The following ATG7 variants were observed in gnomAD, a reference collection of about 807,000 sequenced individuals.
ATG7 encodes the protein ubiquitin-like modifier-activating enzyme ATG7.
Under a neutral mutation model 82.4 loss-of-function variants are expected in ATG7, and 70 were observed. The observed-to-expected ratio is 0.85, with a 90% CI of 0.70 to 1.04. The LOEUF is 1.04. Ranked by LOEUF, ATG7 falls within the 50% of genes least tolerant of loss-of-function variation. ATG7 has a pLI of 0.00. For missense variants in ATG7, 792 were observed against 864.3 expected, an observed-to-expected ratio of 0.92 and a Z score of 1.05; for synonymous variants, 287 against 313.0, an observed-to-expected ratio of 0.92 and a Z score of 0.88.
intron 20 of ATG7, among the ~76,000 whole-genome samples, chr3:11,501,540 G>A (rs1208093400): frequency 1.3e-4 from 2 of 15,372 alleles, no homozygotes; most frequent in African/African-American, 5.1e-4. Context: ...AATAGATAAT[G>A]ATATTAATAG....
chr3:11,542,216 C>T (rs149653138), intron 20 of ATG7, among the ~76,000 whole-genome samples: 161 of 152,388 alleles, frequency 1.1e-3, no homozygotes, highest in African/African-American at 3.6e-3. Context: ...CTAACCAGTG[C>T]TTGGACAAGC....
chr3:11,477,401 T>C (rs1234273572), intron 20 of ATG7: 3 of 765,154 alleles, frequency 3.9e-6, no homozygotes, highest in Non-Finnish European at 4.9e-6. Context: ...GATAGAAGTG[T>C]ATTTATATAA....
chr3:11,486,354 A>T, intron 20 of ATG7, among the ~76,000 whole-genome samples: 1 of 152,232 alleles, frequency 6.6e-6, no homozygotes, highest in East Asian at 1.9e-4. Context: ...TTATTGCTGT[A>T]TAAGAATGCT....
chr3:11,527,041 ATGTG>A lies in ATG7; in HGVS notation c.2080-27742_2080-27739del, dbSNP rs370131709. Among the ~76,000 whole-genome samples the A allele has an allele frequency of 6.1e-3, 848 of 138,302 alleles. 5 individuals carry two copies. Among genetic ancestry groups the A allele is most frequent in the African/African-American group, 0.016 (596 of 37,454 alleles). 90.7% of individuals were successfully genotyped at this position (138,302 alleles called of 152,430 possible). ...AGTATATATATGTGTGTGTGTATAT[ATGTG>A]TGTGTGTGTGTGTGTGTGTGTGTGT... On this transcript the variant is annotated intron_variant, in intron 20 of 20. Coordinates refer to ENST00000693202, the MANE Select transcript of ATG7 (RefSeq NM_001349232.2).
At chr3:11,355,125 C>T (rs1559458174) in intron 14 of ATG7, among the ~76,000 whole-genome samples, 1 of 152,216 alleles carries the variant, frequency 6.6e-6, no homozygotes, top group Non-Finnish European at 1.5e-5. Context: ...TGTGTACTCA[C>T]AGCACGACTC....
chr3:11,521,460 G>A (rs866157150), intron 20 of ATG7, among the ~76,000 whole-genome samples: 1 of 152,156 alleles, frequency 6.6e-6, no homozygotes, highest in African/African-American at 2.4e-5. Context: ...AGCAGGGCAC[G>A]GGGAAGGAGC....
intron 12 of ATG7, among the ~76,000 whole-genome samples, chr3:11,341,620 G>T (rs1333581418): frequency 6.6e-6 from 1 of 151,572 alleles, no homozygotes; most frequent in Admixed American, 6.6e-5. Flanking sequence ...GCTAATTTTT[G>T]TAATTTTAGT....
intron 20 of ATG7, among the ~76,000 whole-genome samples, chr3:11,437,489 TG>T (rs151181368): frequency 0.011 from 1,609 of 152,284 alleles, 18 homozygotes; most frequent in Non-Finnish European, 0.014. Flanking sequence ...GCTATCTGTT[TG>T]TGTAAGTTTA....
At chr3:11,573,355 GAAAGAAAGAAAGAAAGAAAGAA>G in the ATG7 span, among the ~76,000 whole-genome samples, 40 of 94,544 alleles carry the variant, frequency 4.2e-4, no homozygotes, top group African/African-American at 1.3e-3. Flanking sequence ...AAGAAAGAAA[GAAAGAAAGAAAGAAAGAAAGAA>G]AGAAAGAAAG....
intron 20 of ATG7, among the ~76,000 whole-genome samples, chr3:11,518,709 A>C (rs1247565080): frequency 6.6e-6 from 1 of 152,240 alleles, no homozygotes; most frequent in Non-Finnish European, 1.5e-5. Flanking sequence ...AGCCTTTCCC[A>C]GAGTGGCCCA....
rs527438128 is a variant in ATG7 at position 11,483,244 on chromosome 3, C to T, written c.2079+56318C>T. Reference sequence around the variant, plus strand: ...AAGTGATATCCCCATCCTCTCTGGTCAGTCTTGGCATCACAGAAGCTTGAC... The same window carrying T: ...AAGTGATATCCCCATCCTCTCTGGTTAGTCTTGGCATCACAGAAGCTTGAC... On this transcript the variant is annotated intron_variant, in intron 20 of 20. Transcript: ENST00000693202. Among the ~76,000 whole-genome samples, 11 of 152,302 alleles carry T rather than the reference C, an allele frequency of 7.2e-5. No homozygotes were observed. The East Asian group carries it at 2.1e-3, about 29-fold the overall frequency.
intron 20 of ATG7, among the ~76,000 whole-genome samples, chr3:11,531,725 A>G (rs1028219379): frequency 1.3e-5 from 2 of 152,138 alleles, no homozygotes; most frequent in Non-Finnish European, 2.9e-5. Flanking sequence ...TTAGCCAGGC[A>G]TGATGGCACA....
chr3:11,544,798 T>G (rs1265383543), intron 20 of ATG7, among the ~76,000 whole-genome samples: 5 of 152,262 alleles, frequency 3.3e-5, no homozygotes, highest in Non-Finnish European at 7.3e-5. Flanking sequence ...CAGATGGTTC[T>G]GAATCATTGT....
At chr3:11,390,425 T>A (rs1350004183) in intron 19 of ATG7, among the ~76,000 whole-genome samples, 2 of 152,222 alleles carry the variant, frequency 1.3e-5, no homozygotes, top group African/African-American at 4.8e-5. Context: ...CTATTTTTGA[T>A]AATATTCCAA....
At chr3:11,474,193 G>T (rs1363484552) in intron 20 of ATG7, among the ~76,000 whole-genome samples, 2 of 152,218 alleles carry the variant, frequency 1.3e-5, no homozygotes, top group African/African-American at 4.8e-5. Flanking sequence ...CTAAGCACTG[G>T]GGACAGTGGC....
intron 5 of ATG7, among the ~76,000 whole-genome samples, chr3:11,304,335 G>A (rs865873383): frequency 6.6e-6 from 1 of 152,172 alleles, no homozygotes; most frequent in East Asian, 1.9e-4. Context: ...CGGTCTAAGC[G>A]CATGGCTGTC....
intron 20 of ATG7, among the ~76,000 whole-genome samples, chr3:11,447,306 A>G (rs530457220): frequency 1.3e-5 from 2 of 152,130 alleles, no homozygotes; most frequent in East Asian, 3.9e-4. Flanking sequence ...TCTACTAAAA[A>G]TATAGAAAAA....
intron 20 of ATG7, among the ~76,000 whole-genome samples, chr3:11,519,664 A>G (rs1361974248): frequency 7.0e-6 from 1 of 141,936 alleles, no homozygotes; most frequent in Non-Finnish European, 1.5e-5. Flanking sequence ...GATTCACGCC[A>G]TTCTCCTGCC....
intron 1 of ATG7, among the ~76,000 whole-genome samples, chr3:11,274,053 G>A (rs1941144272): frequency 1.3e-5 from 2 of 151,982 alleles, no homozygotes; most frequent in Non-Finnish European, 2.9e-5. Flanking sequence ...CTGCTGCTTC[G>A]AACATCTCCC....
Sources: allele counts gnomAD v4.1 joint callset (sites outside exome capture counted in the v4.1 genomes callset), GRCh38; gene constraint gnomAD v4.1.1; transcripts MANE v1.5; gene names NCBI Gene and HGNC (gene_info 2026-07-23, HGNC 2026-07-21).